WNK2: variants seen among roughly 807,000 people sequenced by gnomAD.
WNK2 encodes WNK lysine deficient protein kinase 2, also known as serine/threonine-protein kinase WNK2.
In WNK2, 67 loss-of-function variants were observed where a neutral mutation model predicts 192.1. The observed-to-expected ratio is 0.35, with a 90% CI of 0.29 to 0.43. The LOEUF (loss-of-function observed/expected upper bound fraction) is 0.43, where lower values mean the gene tolerates loss of function less well. Ranked by LOEUF, WNK2 falls within the 20% of genes least tolerant of loss-of-function variation. The pLI is 1.00. For missense variants in WNK2, 2,698 were observed against 3,089.7 expected (o/e 0.87, Z 3.01); for synonymous variants, 1,439 against 1,393.9 (o/e 1.03, Z -0.72).
At chr9:93,245,440 G>A (rs865972790) in intron 7 of WNK2, among the ~76,000 whole-genome samples, 2 of 152,190 alleles carry the variant, frequency 1.3e-5, no homozygotes, top group Non-Finnish European at 2.9e-5. Context: ...GCCCTCTGTG[G>A]GTGGGTCACA....
At chr9:93,301,213 TC>T (rs56354532) in intron 26 of WNK2, among the ~76,000 whole-genome samples, 12,465 of 152,300 alleles carry the variant, frequency 0.082, 741 homozygotes, top group African/African-American at 0.16. Context: ...TAGGCTTTTG[TC>T]TTTTTAACAG....
At position 93,259,493 on chromosome 9, in the gene WNK2, C is replaced by A; in HGVS notation, c.2945C>A (p.Pro982Gln). 6.5e-7 allele frequency: 1 copy of A among 1,550,130 alleles called. No individual in the cohort carries two copies. The highest frequency in any genetic ancestry group is 2.4e-5 in the East Asian group (1 of 42,324). The change falls in exon 12 of 30, where the codon CCG becomes CAG. Residue 982 changes from proline to glutamine, a missense_variant. Physicochemically the swap from Pro to Gln is moderately conservative, Grantham distance 76. Transcript: ENST00000427277. This position sits in a 1 kb window ranked among gnomAD's most constrained non-coding sequence, Gnocchi z 4.8. ...PTRPPQPVLP[P>Q]QPMLPPQPVL... ...CGGCCCCCTCAACCTGTGCTGCCCC[C>A]GCAACCCATGCTGCCCCCACAACCT...
intron 2 of WNK2, among the ~76,000 whole-genome samples, chr9:93,210,331 C>T (rs1265791134): frequency 6.6e-6 from 1 of 152,054 alleles, no homozygotes; most frequent in Non-Finnish European, 1.5e-5. Flanking sequence ...TGGGGCGTTG[C>T]TCACTGTTGG....
rs542291441 is a variant in WNK2, at chr9:93,241,250, G to A, written c.1542+1274G>A. On this transcript the variant is annotated intron_variant, in intron 7 of 29. Transcript: ENST00000427277. ...TACGAAGGACAGGAATGTCTGCACC[G>A]GAACAGGTGAAAACAAAGTCACAAC... Among the ~76,000 whole-genome samples the A allele has an allele frequency of 1.7e-3, 253 of 152,354 alleles. 1 individual carries two copies. The highest frequency in any genetic ancestry group is 5.8e-3 in the African/African-American group (243 of 41,578).
In WNK2 at chr9:93,258,371, G is replaced by C. The variant is rs537233962; in HGVS notation, c.2383-560G>C. ...GGTGTCCCCTGAGCCAGCCAAGGTGGCTCAAAGATTTGCTTTCTCTGAGAA... is the reference window on the plus strand; with the variant it reads ...GGTGTCCCCTGAGCCAGCCAAGGTGCCTCAAAGATTTGCTTTCTCTGAGAA... On this transcript the variant is annotated intron_variant, in intron 11 of 29. Transcript: ENST00000427277. Among the ~76,000 whole-genome samples, 6 of 152,320 alleles carry C rather than the reference G, an allele frequency of 3.9e-5. No individual in the cohort carries two copies. The East Asian group carries it at 1.2e-3, about 29-fold the overall frequency.
At chr9:93,210,502 C>T (rs929490769) in intron 2 of WNK2, among the ~76,000 whole-genome samples, 3 of 152,128 alleles carry the variant, frequency 2.0e-5, no homozygotes, top group African/African-American at 7.2e-5. Context: ...TGCTGGGGAA[C>T]TCGCCTTCCT....
chr9:93,198,050 C>T (rs1436858894), intron 2 of WNK2, among the ~76,000 whole-genome samples: 6 of 152,196 alleles, frequency 3.9e-5, no homozygotes, highest in African/African-American at 1.2e-4. Flanking sequence ...TAAAGTTTCC[C>T]AGTTTACTAA....
At chr9:93,201,454 A>G (rs908052343) in intron 2 of WNK2, among the ~76,000 whole-genome samples, 1 of 152,210 alleles carries the variant, frequency 6.6e-6, no homozygotes, top group Non-Finnish European at 1.5e-5. Flanking sequence ...AACGTGGAGA[A>G]CACATGCCTG....
Position 93,308,348 on chromosome 9 carries a change from GC to G in WNK2, c.6284del (p.Pro2095GlnfsTer17). 1 of 1,555,224 alleles carries G rather than the reference GC, an allele frequency of 6.4e-7. No individual in the cohort carries two copies. The highest frequency in any genetic ancestry group is 8.7e-7 in the Non-Finnish European group (1 of 1,149,562). On this transcript the variant is annotated frameshift_variant, in exon 28 of 30. Transcript: ENST00000427277. LOFTEE classifies it high-confidence loss of function. Reference protein sequence around the residue: ...HSSRSSTSSLAPGPEPGPQPA... With the variant: ...HSSRSSTSSLXPGPEPGPQPA... ...CCCAGGGTCCTCCACCAGCAGCCTG[GC>G]CCCAGGCCCTGAGCCAGGCCCCCAG...
intron 2 of WNK2, among the ~76,000 whole-genome samples, chr9:93,190,330 A>G (rs946198014): frequency 1.3e-5 from 2 of 152,110 alleles, no homozygotes; most frequent in African/African-American, 4.8e-5. Context: ...GTCATGGGGG[A>G]CACATTGAGG....
chr9:93,185,670 G>C, intron 2 of WNK2, 60 bp downstream of exon 2: 2 of 1,551,932 alleles, frequency 1.3e-6, no homozygotes, highest in Non-Finnish European at 1.7e-6. Flanking sequence ...GTGCGTCCTT[G>C]GGCCTGTCCT....
At chr9:93,208,728 G>A (rs1345629294) in intron 2 of WNK2, among the ~76,000 whole-genome samples, 1 of 262 alleles carries the variant, frequency 3.8e-3, no homozygotes. Flanking sequence ...CTCTTCGTGC[G>A]TGTTCTGTGT....
At chr9:93,267,717 G>C (rs1588311350) in intron 16 of WNK2, 29 bp from the exon 17 acceptor site, 1 of 1,537,674 alleles carries the variant, frequency 6.5e-7, no homozygotes, top group Non-Finnish European at 8.8e-7. Context: ...CTTGCAGCTG[G>C]TCCTCACTGG....
rs1853777783 is a variant in WNK2 at position 93,312,144 on chromosome 9, T to C, written c.6516+3560T>C. Among the ~76,000 whole-genome samples the C allele has an allele frequency of 2.0e-5, 3 of 149,226 alleles. No homozygotes were observed. The South Asian group carries it at 6.3e-4, about 31-fold the overall frequency. The stretch of plus-strand genomic sequence containing the variant: ...TCATTGTTGAGTTTTAGGAATTTTC[T>C]GCATAATCCAGATATTAATCCCTTA... On this transcript the variant is annotated intron_variant, in intron 28 of 29. Coordinates refer to ENST00000427277, the MANE Select transcript of WNK2 (RefSeq NM_006648.4).
chr9:93,319,169 G>A lies in WNK2; in HGVS notation c.6629-1198G>A, dbSNP rs762815114. 10 of 1,613,924 alleles carry A rather than the reference G, an allele frequency of 6.2e-6. No individual in the cohort carries two copies. The Admixed American group carries it at 1.2e-4, about 19-fold the overall frequency. ...AGTGGCACGGAATCCCCAATAGATT[G>A]TATATCTGAAGGAGAAAAATAAACA... On this transcript the variant is annotated intron_variant, in intron 29 of 29. Coordinates refer to ENST00000427277, the MANE Select transcript of WNK2 (RefSeq NM_006648.4).
chr9:93,295,600 C>T (rs1033658637), intron 23 of WNK2, among the ~76,000 whole-genome samples: 1 of 151,920 alleles, frequency 6.6e-6, no homozygotes. Flanking sequence ...GGGTTACAGG[C>T]CTCCAGCCAG....
chr9:93,229,502 T>C lies in WNK2; in HGVS notation c.682-194T>C, dbSNP rs560783991. On this transcript the variant is annotated intron_variant, in intron 2 of 29. Transcript: ENST00000427277. The surrounding 1 kb of genome is among the most constrained non-coding windows in gnomAD (Gnocchi z 4.9). ...TGCTGAGGTCCCTTTTTGGGGGCTG[T>C]GTCCAGGGTTGTGGGGACTAAGGAG... Among the ~76,000 whole-genome samples, 1 of 152,238 alleles carries C rather than the reference T, an allele frequency of 6.6e-6. No homozygotes were observed. Among genetic ancestry groups the C allele is most frequent in the East Asian group, 1.9e-4 (1 of 5,170 alleles).
In WNK2 at chr9:93,288,844, A is replaced by C; in HGVS notation, c.4090A>C (p.Ser1364Arg). The change falls in exon 20 of 30, where the codon AGT becomes CGT. Residue 1364 changes from serine to arginine, a missense_variant. Around this residue, in one of 7 missense-constraint regions of WNK2, gnomAD observed 1,098 missense variants for 1,101.0 expected, o/e 1.00. Transcript: ENST00000427277. ...GAAGGAACAACCCAGCTTTCTAGCC[A>C]GTCAGCAGCTCCTGAGCCAGGCGGG... ...SSKEQPSFLASQQLLSQAGPS... is the reference protein window; with the variant it reads ...SSKEQPSFLARQQLLSQAGPS... 1 of 1,612,434 alleles carries C rather than the reference A, an allele frequency of 6.2e-7. No individual in the cohort carries two copies. The highest frequency in any genetic ancestry group is 8.5e-7 in the Non-Finnish European group (1 of 1,179,680).
Position 93,263,657 on chromosome 9 carries a change from C to T in WNK2, c.3502C>T (p.Arg1168Ter), listed in dbSNP as rs752899767. ...GGGCAGGCTGGAGGGCAGGGCAGCCCGAAAACACCACCGCAGGTCCACGCG... is the reference window on the plus strand; with the variant it reads ...GGGCAGGCTGGAGGGCAGGGCAGCCTGAAAACACCACCGCAGGTCCACGCG... ...GGGRLEGRAA[R>*]KHHRRSTRAR... Residue 1168 changes from arginine (R) to a stop codon, truncating the protein, a stop_gained, in exon 15 of 30, where the codon CGA becomes TGA. Transcript: ENST00000427277. LOFTEE classifies it high-confidence loss of function. 6.3e-7 allele frequency: 1 copy of T among 1,598,634 alleles called. No homozygotes were observed. The highest frequency in any genetic ancestry group is 8.5e-7 in the Non-Finnish European group (1 of 1,175,816).
Sources: gnomAD v4.1 joint callset for allele counts (sites outside exome capture counted in the v4.1 genomes callset) on GRCh38, gnomAD v4.1.1 for gene constraint, gnomAD v4.1.1 regional missense constraint, Gnocchi (gnomAD v3.1) non-coding constraint, MANE v1.5 for transcripts, NCBI Gene and HGNC (gene_info 2026-07-23, HGNC 2026-07-21) for gene names.